The following ARHGAP28 variants were observed in gnomAD, a reference collection of about 807,000 sequenced individuals.
The protein encoded by ARHGAP28 is rho GTPase-activating protein 28.
In ARHGAP28, 56 loss-of-function variants were observed where a neutral mutation model predicts 90.7. The observed-to-expected ratio is 0.62, with a 90% CI of 0.50 to 0.77. The LOEUF (loss-of-function observed/expected upper bound fraction) is 0.77. ARHGAP28 is among the 30% of genes least tolerant of loss of function. The probability of loss-of-function intolerance (pLI) is 0.00; values close to 1 mark genes in which losing one functional copy is unlikely to be tolerated. For synonymous variants in ARHGAP28, 308 were observed against 323.3 expected (o/e 0.95, Z 0.51); for missense variants, 869 against 900.9 (o/e 0.96, Z 0.45).
In ARHGAP28 at chr18:6,793,916, G is replaced by A. The variant is rs74799067; in HGVS notation, c.123-30846G>A. ...TCATTCATGAAATGGGTATGAAGAG[G>A]AGAGAGAGGTTATACTTTGTAAATT... is the stretch of plus-strand genomic sequence containing the variant. On this transcript the variant is annotated intron_variant, in intron 1 of 17. Coordinates refer to ENST00000383472, the MANE Select transcript of ARHGAP28 (RefSeq NM_001366230.1). Among the ~76,000 whole-genome samples the A allele has an allele frequency of 9.5e-3, 1,451 of 152,222 alleles. 21 individuals carry two copies. Among genetic ancestry groups the A allele is most frequent in the African/African-American group, 0.032 (1,343 of 41,542 alleles).
intron 1 of ARHGAP28, among the ~76,000 whole-genome samples, chr18:6,740,042 C>T (rs944326210): frequency 1.3e-4 from 20 of 151,904 alleles, no homozygotes; most frequent in South Asian, 2.1e-4. Flanking sequence ...TTAGTGGAGA[C>T]GGGGTTTCTC....
intron 1 of ARHGAP28, among the ~76,000 whole-genome samples, chr18:6,795,223 G>A (rs925793639): frequency 2.6e-5 from 4 of 152,144 alleles, no homozygotes; most frequent in South Asian, 2.1e-4. Context: ...AAAGCAACGC[G>A]TTTTCATTGA....
chr18:6,897,341 G>A (rs983964436), intron 16 of ARHGAP28: 1 of 152,196 alleles, frequency 6.6e-6, no homozygotes, highest in Non-Finnish European at 1.5e-5. Flanking sequence ...TAGACATTAT[G>A]TAGTTAAGTG....
intron 1 of ARHGAP28, among the ~76,000 whole-genome samples, chr18:6,771,635 G>A (rs979774434): frequency 2.0e-5 from 3 of 152,158 alleles, no homozygotes; most frequent in African/African-American, 7.2e-5. Flanking sequence ...CATTCATCAA[G>A]GAATTGATCT....
intron 1 of ARHGAP28, among the ~76,000 whole-genome samples, chr18:6,804,340 C>T (rs1400178463): frequency 2.0e-5 from 3 of 152,048 alleles, no homozygotes; most frequent in African/African-American, 7.2e-5. Context: ...TTTCCTGATC[C>T]ATCTGGATAA....
At chr18:6,869,621 T>A (rs1436539212) in intron 6 of ARHGAP28, among the ~76,000 whole-genome samples, 2 of 152,122 alleles carry the variant, frequency 1.3e-5, no homozygotes, top group Admixed American at 6.5e-5. Flanking sequence ...TTAATTAGCA[T>A]CACTATTCAG....
At chr18:6,825,615 C>A (rs371690386) in intron 2 of ARHGAP28, among the ~76,000 whole-genome samples, 1 of 152,150 alleles carries the variant, frequency 6.6e-6, no homozygotes, top group African/African-American at 2.4e-5. Flanking sequence ...CCTACCTCCC[C>A]CCTCTAGTAG....
rs374208184 is a variant in ARHGAP28 at position 6,876,213 on chromosome 18, C to T, written c.1290+5C>T. 35 of 1,612,706 alleles carry T rather than the reference C, an allele frequency of 2.2e-5. No homozygotes were observed. The African/African-American group carries it at 3.2e-4, about 15-fold the overall frequency. ...GGATGTACTGCTAAAGTCAAGGTAC[C>T]GAACATTTTGTCTCTTCCTAGGTAG... is the stretch of plus-strand genomic sequence containing the variant. On this transcript the variant is annotated splice_donor_5th_base_variant and intron_variant, in intron 10 of 17. Coordinates refer to ENST00000383472, the MANE Select transcript of ARHGAP28 (RefSeq NM_001366230.1).
At chr18:6,823,546 A>G (rs1453758348) in intron 1 of ARHGAP28, among the ~76,000 whole-genome samples, 3 of 151,458 alleles carry the variant, frequency 2.0e-5, no homozygotes, top group South Asian at 2.1e-4. Flanking sequence ...CCTGCTCTCA[A>G]TTCTTTTGAG....
chr18:6,748,314 ATT>A (rs1460525926), intron 1 of ARHGAP28, among the ~76,000 whole-genome samples: 5 of 152,338 alleles, frequency 3.3e-5, no homozygotes, highest in African/African-American at 1.2e-4. Context: ...CCATGACTAT[ATT>A]GTATACCTGG....
intron 12 of ARHGAP28, among the ~76,000 whole-genome samples, chr18:6,888,964 C>T (rs1028891131): frequency 1.3e-5 from 2 of 152,128 alleles, no homozygotes; most frequent in South Asian, 2.1e-4. Context: ...GCTGCTCAGC[C>T]GCACTCCACC....
At chr18:6,753,105 G>A (rs573549341) in intron 1 of ARHGAP28, among the ~76,000 whole-genome samples, 5 of 152,242 alleles carry the variant, frequency 3.3e-5, no homozygotes, top group South Asian at 2.1e-4. Flanking sequence ...TGTAATTTGC[G>A]AGGAGGGAGA....
intron 15 of ARHGAP28, among the ~76,000 whole-genome samples, chr18:6,895,143 T>C (rs1376767800): frequency 6.6e-6 from 1 of 152,150 alleles, no homozygotes; most frequent in Non-Finnish European, 1.5e-5. Flanking sequence ...CATCGGTAAG[T>C]AATGTCAGAG....
intron 3 of ARHGAP28, among the ~76,000 whole-genome samples, chr18:6,841,212 T>TCTCTCTCTCTCTCTCTCTCTCTC (rs1567966928): frequency 9.6e-6 from 1 of 104,644 alleles, no homozygotes; most frequent in African/African-American, 4.1e-5. Flanking sequence ...TCCTCTCCTC[T>TCTCTCTCTCTCTCTCTCTCTCTC]CTCTCTCTCT....
chr18:6,834,880 C>CCT (rs2056741639), intron 2 of ARHGAP28, among the ~76,000 whole-genome samples: 2 of 152,074 alleles, frequency 1.3e-5, no homozygotes. Flanking sequence ...TGTTGAAATA[C>CCT]GGAATCCTGA....
intron 1 of ARHGAP28, among the ~76,000 whole-genome samples, chr18:6,749,338 A>G (rs1325937329): frequency 6.6e-6 from 1 of 152,192 alleles, no homozygotes; most frequent in Non-Finnish European, 1.5e-5. Flanking sequence ...CCTTGGTAGT[A>G]TTGTTTGACA....
chr18:6,796,466 C>T (rs1270819295), intron 1 of ARHGAP28, among the ~76,000 whole-genome samples: 2 of 151,978 alleles, frequency 1.3e-5, no homozygotes, highest in East Asian at 3.9e-4. Context: ...CCAACATCAT[C>T]TTCATTCTGT....
chr18:6,914,853 T>C lies in ARHGAP28; in HGVS notation c.*2699T>C, dbSNP rs1010225351. 2 of 152,566 alleles carry C rather than the reference T, an allele frequency of 1.3e-5. No homozygotes were observed. The highest frequency in any genetic ancestry group is 1.5e-5 in the Non-Finnish European group (1 of 68,016). The allele number at this position is 152,566 out of a possible 1,614,324, so 9.5% of individuals were successfully genotyped here. On this transcript the variant is annotated 3_prime_UTR_variant, in exon 18 of 18. Transcript: ENST00000383472. ...TTTTCCTCCATCCTGCAAAAGAAGA[T>C]CCCTTTGTTAAGCAGCTCACTTGGA... is the stretch of plus-strand genomic sequence containing the variant.
intron 1 of ARHGAP28, among the ~76,000 whole-genome samples, chr18:6,765,003 A>G (rs1264901494): frequency 6.6e-6 from 1 of 152,222 alleles, no homozygotes; most frequent in Admixed American, 6.5e-5. Flanking sequence ...TTATTGCTAC[A>G]GGCTTTAGCA....
Sources: gnomAD v4.1 joint callset for allele counts (sites outside exome capture counted in the v4.1 genomes callset) on GRCh38, gnomAD v4.1.1 for gene constraint, MANE v1.5 for transcripts, NCBI Gene and HGNC (gene_info 2026-07-23, HGNC 2026-07-21) for gene names.